LUZP2: variants seen among roughly 807,000 people sequenced by gnomAD.
LUZP2 encodes the protein leucine zipper protein 2.
Under a neutral mutation model 51.6 loss-of-function variants are expected in LUZP2, and 52 were observed. The observed-to-expected ratio is 1.01, with a 90% CI of 0.81 to 1.27. The LOEUF (loss-of-function observed/expected upper bound fraction) is 1.27. Ranked by LOEUF, LUZP2 falls within the 50% of genes most tolerant of loss-of-function variation. The probability of loss-of-function intolerance (pLI) is 0.00; values close to 1 mark genes in which losing one functional copy is unlikely to be tolerated. For synonymous variants in LUZP2, 154 were observed against 137.3 expected (o/e 1.12, Z -0.85); for missense variants, 436 against 395.4 (o/e 1.10, Z -0.87).
At chr11:24,894,547 C>T (rs75816586) in intron 5 of LUZP2, among the ~76,000 whole-genome samples, 8,539 of 151,422 alleles carry the variant, frequency 0.056, 806 homozygotes, top group African/African-American at 0.19. Flanking sequence ...TTGTGTGATG[C>T]TGAAGGTGAG....
chr11:24,532,230 A>T (rs904524473), intron 1 of LUZP2, among the ~76,000 whole-genome samples: 2 of 150,908 alleles, frequency 1.3e-5, no homozygotes, highest in African/African-American at 4.9e-5. Context: ...ACACTTTAGA[A>T]CTTCAAACAA....
intron 7 of LUZP2, among the ~76,000 whole-genome samples, chr11:24,918,813 A>G (rs149260822): frequency 7.0e-6 from 1 of 142,866 alleles, no homozygotes; most frequent in African/African-American, 2.6e-5. Flanking sequence ...GGTCATTGAT[A>G]TATATACACA....
intron 1 of LUZP2, among the ~76,000 whole-genome samples, chr11:24,663,403 C>T (rs747668993): frequency 7.2e-5 from 11 of 152,126 alleles, no homozygotes; most frequent in Non-Finnish European, 1.6e-4. Flanking sequence ...GCATCCCAAC[C>T]ATGCTTCCTG....
At chr11:25,042,494 G>T (rs1338492060) in intron 9 of LUZP2, among the ~76,000 whole-genome samples, 3 of 152,144 alleles carry the variant, frequency 2.0e-5, no homozygotes, top group African/African-American at 7.2e-5. Context: ...ATAATCAAGA[G>T]CTAGGAAAAT....
rs574964492 is a variant in LUZP2, at chr11:24,810,801, C to A, written c.396+47493C>A. The stretch of plus-strand genomic sequence containing the variant: ...AGTAAAGGATAAGCCATGAAACCAT[C>A]TGTAGAAAAACAGCCTCATTATACT... On this transcript the variant is annotated intron_variant, in intron 5 of 11. Transcript: ENST00000336930. 3.3e-4 allele frequency among the ~76,000 whole-genome samples: 51 copies of A among 152,270 alleles called. 1 individual carries two copies. The South Asian group carries it at 8.9e-3, about 27-fold the overall frequency.
intron 7 of LUZP2, among the ~76,000 whole-genome samples, chr11:24,975,013 T>C (rs1483360231): frequency 6.6e-6 from 1 of 152,048 alleles, no homozygotes; most frequent in African/African-American, 2.4e-5. Flanking sequence ...ACCAGCTTGC[T>C]TATCCACCAG....
chr11:25,040,095 GA>G (rs1200062054), intron 9 of LUZP2, among the ~76,000 whole-genome samples: 1 of 151,962 alleles, frequency 6.6e-6, no homozygotes, highest in African/African-American at 2.4e-5. Flanking sequence ...ATTTCTAGAA[GA>G]CCAAAATTAG....
At chr11:24,776,603 G>A (rs1368596016) in intron 5 of LUZP2, among the ~76,000 whole-genome samples, 1 of 152,022 alleles carries the variant, frequency 6.6e-6, no homozygotes, top group Admixed American at 6.6e-5. Flanking sequence ...AATCATTGCT[G>A]TTCCCAAGTC....
Position 24,758,326 on chromosome 11 carries a change from T to C in LUZP2, c.334-4920T>C, listed in dbSNP as rs191280791. On this transcript the variant is annotated intron_variant, in intron 4 of 11. Coordinates refer to ENST00000336930, the MANE Select transcript of LUZP2 (RefSeq NM_001009909.4). ...TTAACTAATGTGGGAATGACTTGCG[T>C]GTGTGTGTGTGTGTGTGTGTGTACA... is the stretch of plus-strand genomic sequence containing the variant. Among the ~76,000 whole-genome samples the C allele has an allele frequency of 1.5e-3, 206 of 141,070 alleles. 1 individual carries two copies. The highest frequency in any genetic ancestry group is 1.4e-4 in the Non-Finnish European group (9 of 66,308). The allele number at this position is 141,070 out of a possible 152,430, so 92.5% of individuals were successfully genotyped here.
chr11:24,671,299 T>C (rs1856395133), intron 1 of LUZP2, among the ~76,000 whole-genome samples: 1 of 151,978 alleles, frequency 6.6e-6, no homozygotes. Context: ...GTAAATTTTA[T>C]CTGAAGTTTT....
At position 24,574,263 on chromosome 11, in the gene LUZP2, G is replaced by A. The variant is rs375840525; in HGVS notation, c.62+76958G>A. The stretch of plus-strand genomic sequence containing the variant: ...TTCTTTCTTTCTTTCTTTCTTTCTT[G>A]CTTTCTTTCTTTCTTTCTTTCTTTC... On this transcript the variant is annotated intron_variant, in intron 1 of 11. Coordinates refer to ENST00000336930, the MANE Select transcript of LUZP2 (RefSeq NM_001009909.4). Among the ~76,000 whole-genome samples the A allele has an allele frequency of 4.0e-3, 282 of 70,048 alleles. 9 individuals are homozygous for A. Among genetic ancestry groups the A allele is most frequent in the African/African-American group, 0.012 (255 of 21,496 alleles). The allele number at this position is 70,048 out of a possible 152,430, so 46.0% of individuals were successfully genotyped here. A position where few individuals can be genotyped will look rare whatever the true frequency, so the allele number is the denominator to read the frequency against.
At chr11:24,830,176 T>G (rs1850657220) in intron 5 of LUZP2, among the ~76,000 whole-genome samples, 1 of 152,174 alleles carries the variant, frequency 6.6e-6, no homozygotes, top group Admixed American at 6.5e-5. Context: ...CTATCAGAAC[T>G]AGTATCTGTA....
chr11:25,041,232 A>G (rs1858047750), intron 9 of LUZP2, among the ~76,000 whole-genome samples: 1 of 152,150 alleles, frequency 6.6e-6, no homozygotes, highest in African/African-American at 2.4e-5. Context: ...TATTTTTTCT[A>G]TACATACTTA....
intron 1 of LUZP2, among the ~76,000 whole-genome samples, chr11:24,552,783 A>G (rs1446680654): frequency 1.3e-5 from 2 of 151,942 alleles, no homozygotes; most frequent in East Asian, 3.9e-4. Flanking sequence ...TTAAATCCTG[A>G]CAAGGACTAT....
intron 5 of LUZP2, among the ~76,000 whole-genome samples, chr11:24,803,964 C>T (rs1849773891): frequency 8.8e-6 from 1 of 113,724 alleles, no homozygotes; most frequent in Admixed American, 1.0e-4. Context: ...AGCAGTGAGA[C>T]ATTGAAGTAC....
chr11:24,959,800 T>C (rs1855337294), intron 7 of LUZP2, among the ~76,000 whole-genome samples: 1 of 151,862 alleles, frequency 6.6e-6, no homozygotes, highest in East Asian at 1.9e-4. Flanking sequence ...TGAATAGGAG[T>C]GGTGAGAGAG....
At chr11:24,525,173 T>A (rs1489087765) in intron 1 of LUZP2, among the ~76,000 whole-genome samples, 1 of 151,712 alleles carries the variant, frequency 6.6e-6, no homozygotes, top group African/African-American at 2.4e-5. Flanking sequence ...TATTATTTCC[T>A]GCTCAGTCTG....
intron 1 of LUZP2, among the ~76,000 whole-genome samples, chr11:24,668,574 T>G (rs1225485600): frequency 2.0e-5 from 3 of 152,170 alleles, no homozygotes; most frequent in African/African-American, 7.2e-5. Context: ...TATCCATCAC[T>G]GAATGAATCA....
In LUZP2 at chr11:24,568,834, T is replaced by A. The variant is rs188423644; in HGVS notation, c.62+71529T>A. Among the ~76,000 whole-genome samples the A allele has an allele frequency of 5.3e-5, 8 of 152,150 alleles. No homozygotes were observed. The East Asian group carries it at 1.5e-3, about 29-fold the overall frequency. ...AAAGTTGTTAATTTTCTTTATTTGA[T>A]GGAGATGGTAAATAGCCGTTGCTTC... On this transcript the variant is annotated intron_variant, in intron 1 of 11. Coordinates refer to ENST00000336930, the MANE Select transcript of LUZP2 (RefSeq NM_001009909.4).
Sources: gnomAD v4.1 joint callset for allele counts (sites outside exome capture counted in the v4.1 genomes callset) on GRCh38, gnomAD v4.1.1 for gene constraint, MANE v1.5 for transcripts, NCBI Gene and HGNC (gene_info 2026-07-23, HGNC 2026-07-21) for gene names.